Variants in THSD7B observed in about 807,000 individuals in gnomAD.
THSD7B encodes thrombospondin type-1 domain-containing protein 7B.
THSD7B carries 138 observed loss-of-function variants against 213.6 expected under a neutral mutation model. That is an observed-to-expected ratio of 0.65 (90% CI 0.56 to 0.74). The LOEUF (loss-of-function observed/expected upper bound fraction) is 0.74. Ranked by LOEUF, THSD7B falls within the 30% of genes least tolerant of loss-of-function variation. The pLI is 0.00. For missense variants in THSD7B, 1,931 were observed against 1,991.5 expected, an observed-to-expected ratio of 0.97 and a Z score of 0.58; for synonymous variants, 742 against 687.0, an observed-to-expected ratio of 1.08 and a Z score of -1.25.
intron 1 of THSD7B, among the ~76,000 whole-genome samples, chr2:136,778,361 C>T (rs548390802): frequency 9.9e-5 from 15 of 152,282 alleles, no homozygotes; most frequent in African/African-American, 2.4e-4. Context: ...ATCCTGTACA[C>T]GTCTCCCTCC....
intron 2 of THSD7B, among the ~76,000 whole-genome samples, chr2:136,886,881 A>G (rs1277026862): frequency 3.3e-5 from 5 of 152,112 alleles, no homozygotes; most frequent in African/African-American, 1.2e-4. Context: ...TCGACTAGGA[A>G]GTTATGGGGT....
intron 12 of THSD7B, among the ~76,000 whole-genome samples, chr2:137,341,193 A>G: frequency 6.6e-6 from 1 of 151,640 alleles, no homozygotes; most frequent in Non-Finnish European, 1.5e-5. Context: ...TTCCCTAATG[A>G]TTAGTGATGT....
At chr2:137,439,688 C>T (rs1687361571) in intron 14 of THSD7B, among the ~76,000 whole-genome samples, 1 of 152,072 alleles carries the variant, frequency 6.6e-6, no homozygotes, top group Admixed American at 6.6e-5. Flanking sequence ...TGGTAACTTG[C>T]AAGGAGTTAA....
chr2:137,598,254 A>G (rs943061803), intron 17 of THSD7B, among the ~76,000 whole-genome samples: 1 of 152,214 alleles, frequency 6.6e-6, no homozygotes, highest in Non-Finnish European at 1.5e-5. Flanking sequence ...GAAGTTGCCA[A>G]TATGCTAAGA....
At chr2:137,043,931 A>C (rs1480980114) in intron 2 of THSD7B, among the ~76,000 whole-genome samples, 1 of 152,194 alleles carries the variant, frequency 6.6e-6, no homozygotes, top group African/African-American at 2.4e-5. Context: ...CCCCACACTG[A>C]AGGTGAGTAC....
chr2:137,318,989 G>A (rs947453679), intron 12 of THSD7B, among the ~76,000 whole-genome samples: 2 of 151,544 alleles, frequency 1.3e-5, no homozygotes, highest in African/African-American at 4.8e-5. Context: ...ATGGAAAGGT[G>A]TAATGAATAA....
intron 15 of THSD7B, among the ~76,000 whole-genome samples, chr2:137,451,688 C>A (rs1687655639): frequency 6.6e-6 from 1 of 151,996 alleles, no homozygotes; most frequent in African/African-American, 2.4e-5. Context: ...GTATATATAA[C>A]AGAGTCTAAG....
intron 1 of THSD7B, among the ~76,000 whole-genome samples, chr2:136,826,578 TCTC>T (rs1168125612): frequency 1.3e-5 from 2 of 152,072 alleles, no homozygotes; most frequent in African/African-American, 2.4e-5. Context: ...TTGTCCCATC[TCTC>T]CTCCTCTGGA....
intron 27 of THSD7B, among the ~76,000 whole-genome samples, chr2:137,668,116 C>T (rs575275406): frequency 8.6e-5 from 13 of 151,982 alleles, no homozygotes; most frequent in Admixed American, 2.0e-4. Flanking sequence ...GTTTTGATTT[C>T]GATCAGTAGT....
chr2:137,279,607 C>T (rs373324301), intron 12 of THSD7B, among the ~76,000 whole-genome samples: 10 of 152,116 alleles, frequency 6.6e-5, no homozygotes, highest in Middle Eastern at 3.4e-3. Flanking sequence ...TAAGTAAATG[C>T]GTTGCAAAAT....
intron 2 of THSD7B, among the ~76,000 whole-genome samples, chr2:136,975,441 G>A (rs766496755): frequency 3.7e-4 from 56 of 152,210 alleles, no homozygotes; most frequent in Non-Finnish European, 6.8e-4. Context: ...ATTGAATAGG[G>A]GATGCTTTTC....
At chr2:137,005,241 A>G (rs913544174) in intron 2 of THSD7B, among the ~76,000 whole-genome samples, 2 of 152,240 alleles carry the variant, frequency 1.3e-5, no homozygotes, top group African/African-American at 4.8e-5. Flanking sequence ...TTCTTGAGCC[A>G]CCAAATGTTT....
intron 5 of THSD7B, among the ~76,000 whole-genome samples, chr2:137,135,430 C>T (rs1282117827): frequency 6.6e-6 from 1 of 152,200 alleles, no homozygotes. Context: ...GCTCCCTGTG[C>T]AGCTCAGGAG....
At chr2:136,876,355 A>G (rs1389093351) in intron 1 of THSD7B, among the ~76,000 whole-genome samples, 2 of 152,198 alleles carry the variant, frequency 1.3e-5, no homozygotes, top group African/African-American at 4.8e-5. Context: ...TGAGGGCAAT[A>G]TTTAGGTTTA....
intron 2 of THSD7B, among the ~76,000 whole-genome samples, chr2:137,055,271 AT>A (rs1687142239): frequency 6.6e-6 from 1 of 152,110 alleles, no homozygotes. Context: ...TAGTAGAATG[AT>A]TTATAATCCT....
At chr2:137,482,204 G>A (rs1019781305) in intron 15 of THSD7B, among the ~76,000 whole-genome samples, 1 of 143,242 alleles carries the variant, frequency 7.0e-6, no homozygotes. Flanking sequence ...AAAAAAAAAA[G>A]GGTTTAGCCA....
At chr2:137,115,730 G>A (rs569063625) in intron 5 of THSD7B, among the ~76,000 whole-genome samples, 11 of 152,086 alleles carry the variant, frequency 7.2e-5, no homozygotes, top group East Asian at 1.9e-4. Context: ...GGGTTTTGTC[G>A]CCAAGTTTTA....
chr2:137,199,785 T>G (rs913839239), intron 7 of THSD7B, among the ~76,000 whole-genome samples: 2 of 152,210 alleles, frequency 1.3e-5, no homozygotes, highest in African/African-American at 4.8e-5. Context: ...AAGAGAAATA[T>G]GCAAATATGA....
chr2:137,366,214 G>C (rs1199686795), intron 12 of THSD7B, among the ~76,000 whole-genome samples: 1 of 152,030 alleles, frequency 6.6e-6, no homozygotes, highest in Non-Finnish European at 1.5e-5. Context: ...ACACAGGGTG[G>C]GGAACATCAC....
Sources: allele counts gnomAD v4.1 joint callset (sites outside exome capture counted in the v4.1 genomes callset), GRCh38; gene constraint gnomAD v4.1.1; transcripts MANE v1.5; gene names NCBI Gene and HGNC (gene_info 2026-07-23, HGNC 2026-07-21).